The following FHIT variants were observed in gnomAD, a reference collection of about 807,000 sequenced individuals.
FHIT encodes bis(5'-adenosyl)-triphosphatase.
A neutral mutation model predicts 17.9 loss-of-function variants in FHIT; 19 were observed. That is an observed-to-expected ratio of 1.06 (90% CI 0.74 to 1.56). The LOEUF (loss-of-function observed/expected upper bound fraction) is 1.56. Among genes scored for constraint, FHIT ranks in the 40% most tolerant of loss-of-function variants. FHIT has a pLI of 0.00. For synonymous variants in FHIT, 81 were observed against 69.7 expected, an observed-to-expected ratio of 1.16 and a Z score of -0.81; for missense variants, 248 against 189.2, an observed-to-expected ratio of 1.31 and a Z score of -1.82.
intron 2 of FHIT, among the ~76,000 whole-genome samples, chr3:61,198,652 G>A (rs947495990): frequency 5.9e-5 from 9 of 152,182 alleles, no homozygotes; most frequent in East Asian, 1.9e-4. Flanking sequence ...ACCAAGGAAG[G>A]TAGTTTTCCT....
intron 4 of FHIT, among the ~76,000 whole-genome samples, chr3:60,556,190 C>T (rs1206685355): frequency 2.0e-5 from 3 of 152,114 alleles, no homozygotes; most frequent in Non-Finnish European, 4.4e-5. Flanking sequence ...TACAGACCTT[C>T]CTTGACACTC....
chr3:60,313,000 T>C (rs1376915276), intron 5 of FHIT, among the ~76,000 whole-genome samples: 1 of 152,190 alleles, frequency 6.6e-6, no homozygotes. Context: ...TTCAGGTTGA[T>C]ATGATTTCCC....
chr3:60,532,360 A>C (rs1414784736), intron 5 of FHIT, among the ~76,000 whole-genome samples: 8 of 152,200 alleles, frequency 5.3e-5, no homozygotes, highest in Non-Finnish European at 1.5e-5. Flanking sequence ...CTAATGTTTA[A>C]ATTCATTTTC....
At chr3:60,418,723 C>T (rs1010714557) in intron 5 of FHIT, among the ~76,000 whole-genome samples, 4 of 150,716 alleles carry the variant, frequency 2.7e-5, no homozygotes, top group African/African-American at 7.3e-5. Flanking sequence ...CATGCTACTG[C>T]ACTCCAGCAT....
chr3:60,739,220 T>C (rs782399306), intron 4 of FHIT, among the ~76,000 whole-genome samples: 16 of 152,216 alleles, frequency 1.1e-4, no homozygotes, highest in African/African-American at 3.9e-4. Flanking sequence ...TCTTCTAGGA[T>C]GCTGGACAAG....
intron 7 of FHIT, among the ~76,000 whole-genome samples, chr3:59,956,123 T>C (rs1467604404): frequency 1.3e-5 from 2 of 152,204 alleles, no homozygotes; most frequent in African/African-American, 4.8e-5. Context: ...ACAATCATGC[T>C]TTTTGTAGAG....
At chr3:61,206,661 T>C (rs2039244589) in intron 1 of FHIT, among the ~76,000 whole-genome samples, 1 of 152,118 alleles carries the variant, frequency 6.6e-6, no homozygotes, top group African/African-American at 2.4e-5. Flanking sequence ...TTTTTGCACA[T>C]TGATTTTGTA....
At chr3:60,735,325 A>C (rs2042113287) in intron 4 of FHIT, among the ~76,000 whole-genome samples, 1 of 152,170 alleles carries the variant, frequency 6.6e-6, no homozygotes, top group Admixed American at 6.5e-5. Flanking sequence ...TCCTCTGGGG[A>C]ATCCCCTTCT....
At chr3:60,243,625 T>C (rs1222522555) in intron 5 of FHIT, among the ~76,000 whole-genome samples, 2 of 152,096 alleles carry the variant, frequency 1.3e-5, no homozygotes, top group East Asian at 3.8e-4. Context: ...ATTTAATCTA[T>C]AGACACCAGT....
intron 4 of FHIT, among the ~76,000 whole-genome samples, chr3:60,639,093 A>G (rs1412511203): frequency 6.8e-6 from 1 of 147,852 alleles, no homozygotes; most frequent in Non-Finnish European, 1.5e-5. Context: ...AGGCAAAGAA[A>G]GCCCACTGAG....
At chr3:61,175,777 G>T (rs2038140043) in intron 2 of FHIT, among the ~76,000 whole-genome samples, 1 of 152,120 alleles carries the variant, frequency 6.6e-6, no homozygotes, top group South Asian at 2.1e-4. Flanking sequence ...TTAGAGAGCA[G>T]CCCTCAACAG....
chr3:60,477,046 T>C (rs1356450391), intron 5 of FHIT, among the ~76,000 whole-genome samples: 1 of 152,122 alleles, frequency 6.6e-6, no homozygotes, highest in African/African-American at 2.4e-5. Context: ...ATGCTGAATA[T>C]AGTTCAGTAC....
chr3:60,730,033 C>A (rs1447615745), intron 4 of FHIT: 8 of 420,896 alleles, frequency 1.9e-5, no homozygotes, highest in South Asian at 1.7e-4. Context: ...AGTTTGGAAT[C>A]ATCAGGAAGA....
intron 4 of FHIT, among the ~76,000 whole-genome samples, chr3:60,733,097 T>A (rs1398783244): frequency 6.6e-6 from 1 of 152,220 alleles, no homozygotes; most frequent in Non-Finnish European, 1.5e-5. Flanking sequence ...GACAAGTTTT[T>A]ATGAATAGTC....
intron 9 of FHIT, chr3:59,750,132 C>G: frequency 4.4e-6 from 1 of 226,792 alleles, no homozygotes; most frequent in Non-Finnish European, 8.8e-6. Context: ...CAGGAGGTGT[C>G]AGGCCTCCAG....
intron 4 of FHIT, among the ~76,000 whole-genome samples, chr3:60,737,606 T>A (rs1553712913): frequency 2.0e-5 from 3 of 152,206 alleles, no homozygotes; most frequent in African/African-American, 2.4e-5. Flanking sequence ...AGTGGAAGGA[T>A]GATAACATTG....
chr3:59,823,500 A>G (rs1303191867), intron 8 of FHIT, among the ~76,000 whole-genome samples: 1 of 152,210 alleles, frequency 6.6e-6, no homozygotes, highest in African/African-American at 2.4e-5. Context: ...ATAATCCACC[A>G]TGATCAAGTG....
intron 7 of FHIT, among the ~76,000 whole-genome samples, chr3:59,935,646 G>C (rs1374165302): frequency 6.6e-6 from 1 of 151,930 alleles, no homozygotes; most frequent in African/African-American, 2.4e-5. Context: ...TGGATGGATG[G>C]GTGGGGTGGA....
intron 5 of FHIT, among the ~76,000 whole-genome samples, chr3:60,412,404 G>T (rs572617445): frequency 1.3e-5 from 2 of 152,026 alleles, no homozygotes; most frequent in South Asian, 4.2e-4. Flanking sequence ...TAGGTCCCTA[G>T]AGATTCACAA....
Sources: allele counts gnomAD v4.1 joint callset (sites outside exome capture counted in the v4.1 genomes callset), GRCh38; gene constraint gnomAD v4.1.1; transcripts MANE v1.5; gene names NCBI Gene and HGNC (gene_info 2026-07-23, HGNC 2026-07-21).